Variants in SHROOM4 observed in about 807,000 individuals in gnomAD.
SHROOM4 encodes shroom family member 4.
A neutral mutation model predicts 80.3 loss-of-function variants in SHROOM4; 17 were observed. That is an observed-to-expected ratio of 0.21 (90% CI 0.14 to 0.32). The LOEUF is 0.32. Among genes scored for constraint, SHROOM4 ranks in the 10% least tolerant of loss-of-function variants. SHROOM4 has a pLI of 1.00. For synonymous variants in SHROOM4, 400 were observed against 437.5 expected, an observed-to-expected ratio of 0.91 and a Z score of 1.07; for missense variants, 993 against 1,140.3, an observed-to-expected ratio of 0.87 and a Z score of 1.86.
chrX:50,786,736 G>T (rs1296464994), intron 1 of SHROOM4, among the ~76,000 whole-genome samples: 2 of 111,328 alleles, frequency 1.8e-5, no homozygotes, highest in African/African-American at 6.5e-5. Flanking sequence ...CACACAAAGA[G>T]CCAAGGGACA....
At chrX:50,641,963 T>C (rs1236367847) in intron 2 of SHROOM4, among the ~76,000 whole-genome samples, 2 of 112,153 alleles carry the variant, frequency 1.8e-5, no homozygotes, top group African/African-American at 3.2e-5. Context: ...AATCCCAAAG[T>C]AGACAGAAGA....
At chrX:50,751,966 G>A (rs1035335993) in intron 1 of SHROOM4, among the ~76,000 whole-genome samples, 2 of 112,046 alleles carry the variant, frequency 1.8e-5, no homozygotes, top group Non-Finnish European at 3.8e-5. Flanking sequence ...AATATGTAAC[G>A]TGCCTGGCAC....
intron 1 of SHROOM4, among the ~76,000 whole-genome samples, chrX:50,799,548 G>C (rs1936077601): frequency 2.7e-5 from 3 of 111,557 alleles, no homozygotes; most frequent in African/African-American, 9.8e-5. Context: ...TCTCAGCTTT[G>C]AGTAAAATAG....
chrX:50,793,667 G>T (rs1569549095), intron 1 of SHROOM4, among the ~76,000 whole-genome samples: 1 of 105,454 alleles, frequency 9.5e-6, no homozygotes, highest in South Asian at 4.5e-4. Context: ...AACAATAAAG[G>T]GTCATGAATG....
Position 50,635,599 on chromosome X carries a change from G to A in SHROOM4, c.474C>T (p.Ser158=), listed in dbSNP as rs1931316983. 5.8e-6 allele frequency: 7 copies of A among 1,207,388 alleles called. No individual in the cohort carries two copies. The highest frequency in any genetic ancestry group is 7.8e-6 in the Non-Finnish European group (7 of 894,463). ...GGCCTGGTTGCTCCAGGCTCTCCAT[G>A]CTGCCAATGGAGCTGCTTTTCTCGG... ...CSTEKSSSIG[S]MESLEQPGQA... is the part of the protein sequence containing the mutation. The change falls in exon 4 of 9, where the codon AGC becomes AGT. Residue 158 remains serine (S), a synonymous_variant. Coordinates refer to ENST00000376020, the MANE Select transcript of SHROOM4 (RefSeq NM_020717.5).
intron 1 of SHROOM4, among the ~76,000 whole-genome samples, chrX:50,753,668 A>G (rs782278606): frequency 8.9e-6 from 1 of 112,218 alleles, no homozygotes; most frequent in Non-Finnish European, 1.9e-5. Flanking sequence ...TAACTTTTAT[A>G]CTGATTCCAT....
intron 2 of SHROOM4, among the ~76,000 whole-genome samples, chrX:50,649,249 T>C (rs1931950954): frequency 9.0e-6 from 1 of 111,686 alleles, no homozygotes; most frequent in Non-Finnish European, 1.9e-5. Context: ...GCAAATTCTG[T>C]AGGTAGGTGT....
intron 7 of SHROOM4, 77 bp downstream of exon 7, chrX:50,602,556 G>A (rs988945893): frequency 4.5e-5 from 45 of 994,873 alleles, no homozygotes; most frequent in Non-Finnish European, 6.1e-5. Flanking sequence ...GTTCTAGAGA[G>A]TGTAGAAGGC....
the SHROOM4 span, among the ~76,000 whole-genome samples, chrX:50,576,920 C>T: frequency 1.8e-5 from 2 of 111,825 alleles, no homozygotes; most frequent in Admixed American, 9.5e-5. Context: ...ATTAAGAACA[C>T]AATCAGACAA....
chrX:50,656,443 TAA>T (rs1189600353), intron 2 of SHROOM4, among the ~76,000 whole-genome samples: 2 of 112,090 alleles, frequency 1.8e-5, no homozygotes, highest in African/African-American at 3.2e-5. Flanking sequence ...TGATGTAGGA[TAA>T]GAGTCCAATT....
chrX:50,604,906 C>T (rs186604645), intron 6 of SHROOM4, among the ~76,000 whole-genome samples: 2 of 112,247 alleles, frequency 1.8e-5, no homozygotes, highest in East Asian at 5.6e-4. Flanking sequence ...TTAAATAATA[C>T]TTAATTATTC....
chrX:50,810,803 A>C (rs1321332908), intron 1 of SHROOM4, among the ~76,000 whole-genome samples: 1 of 112,518 alleles, frequency 8.9e-6, no homozygotes, highest in African/African-American at 3.2e-5. Flanking sequence ...AGTATGATAG[A>C]CATAGGTAAG....
chrX:50,681,338 G>A (rs782148919), intron 2 of SHROOM4, among the ~76,000 whole-genome samples: 34 of 111,302 alleles, frequency 3.1e-4, no homozygotes, highest in Non-Finnish European at 5.1e-4. Flanking sequence ...GAGCCTACAA[G>A]GCCCTGTGTG....
intron 2 of SHROOM4, among the ~76,000 whole-genome samples, chrX:50,694,521 T>A (rs1299303030): frequency 1.9e-5 from 2 of 106,937 alleles, no homozygotes; most frequent in Admixed American, 2.0e-4. Flanking sequence ...TCTATTCAGG[T>A]CTTTGCCCAT....
At chrX:50,692,361 G>A (rs1326244598) in intron 2 of SHROOM4, among the ~76,000 whole-genome samples, 1 of 111,745 alleles carries the variant, frequency 8.9e-6, no homozygotes, top group African/African-American at 3.3e-5. Context: ...AGGCTGCAAA[G>A]CACACCACCA....
intron 1 of SHROOM4, among the ~76,000 whole-genome samples, chrX:50,802,177 C>G (rs891593356): frequency 5.4e-5 from 6 of 112,110 alleles, no homozygotes; most frequent in African/African-American, 1.9e-4. Flanking sequence ...GCCAGGAAAG[C>G]CCATTAAATA....
intron 1 of SHROOM4, among the ~76,000 whole-genome samples, chrX:50,811,205 G>A (rs1184553757): frequency 1.8e-5 from 2 of 110,897 alleles, no homozygotes; most frequent in Non-Finnish European, 1.9e-5. Flanking sequence ...TACTTGGGAG[G>A]CTGAGGTGGG....
At chrX:50,583,529 G>T (rs1557244485), downstream of SHROOM4, among the ~76,000 whole-genome samples, 1 of 111,732 alleles carries the variant, frequency 8.9e-6, no homozygotes, top group Admixed American at 9.6e-5. Flanking sequence ...ATATGATCTA[G>T]TCTTACTATC....
intron 2 of SHROOM4, among the ~76,000 whole-genome samples, chrX:50,680,436 T>G (rs919475395): frequency 1.9e-4 from 21 of 111,657 alleles, no homozygotes; most frequent in Non-Finnish European, 1.3e-4. Context: ...GGAATTCCTG[T>G]GTAGCCTTTA....
Sources: allele counts gnomAD v4.1 joint callset (sites outside exome capture counted in the v4.1 genomes callset), GRCh38; gene constraint gnomAD v4.1.1; transcripts MANE v1.5; gene names NCBI Gene and HGNC (gene_info 2026-07-23, HGNC 2026-07-21).